Variants in IGSF9B observed in about 807,000 individuals in gnomAD.
The protein encoded by IGSF9B is immunoglobulin superfamily member 9B.
A neutral mutation model predicts 143.7 loss-of-function variants in IGSF9B; 48 were observed. That is an observed-to-expected ratio of 0.33 (90% CI 0.26 to 0.42). IGSF9B has a LOEUF of 0.42. Among genes scored for constraint, IGSF9B ranks in the 20% least tolerant of loss-of-function variants. The pLI is 1.00. For missense variants in IGSF9B, 1,706 were observed against 1,980.0 expected, an observed-to-expected ratio of 0.86 and a Z score of 2.63; for synonymous variants, 903 against 833.1, an observed-to-expected ratio of 1.08 and a Z score of -1.44.
At chr11:133,946,290 G>C (rs371890975) in intron 1 of IGSF9B, 32 bp from the exon 2 acceptor site, 408 of 1,594,548 alleles carry the variant, frequency 2.6e-4, no homozygotes, top group Middle Eastern at 5.1e-4. Flanking sequence ...GACACAGAAA[G>C]GAGGTGACAA....
At chr11:133,936,834 A>AC (rs1164440295) in intron 5 of IGSF9B, among the ~76,000 whole-genome samples, 1 of 151,232 alleles carries the variant, frequency 6.6e-6, no homozygotes, top group African/African-American at 2.4e-5. Flanking sequence ...CAGGGTAGAG[A>AC]CCCCCCGACC....
intron 12 of IGSF9B, among the ~76,000 whole-genome samples, chr11:133,929,125 T>C (rs1369432753): frequency 6.6e-6 from 1 of 152,220 alleles, no homozygotes; most frequent in African/African-American, 2.4e-5. Context: ...ATAATTGGAT[T>C]GTTGGAACAC....
In IGSF9B at chr11:133,946,256, C is replaced by T. The variant is rs370647370; in HGVS notation, c.67G>A (p.Ala23Thr). 24 of 1,612,820 alleles carry T rather than the reference C, an allele frequency of 1.5e-5. No individual in the cohort carries two copies. Among genetic ancestry groups the T allele is most frequent in the South Asian group, 3.3e-5 (3 of 90,840 alleles). Residue 23 changes from alanine to threonine, a missense_variant and splice_region_variant, in exon 2 of 20, where the codon GCC (alanine) becomes ACC (threonine). Coordinates refer to ENST00000533871, the MANE Select transcript of IGSF9B (RefSeq NM_001277285.4). ...TCGGGCTCCTCTCGCAGGCCGTGGG[C>T]GCCTGATGGGGACGGCCAGGTTGGA... ...IGTRGLAAEG[A>T]HGLREEPEFV...
At position 133,931,181 on chromosome 11, in the gene IGSF9B, T is replaced by C. The variant is rs1939721650; in HGVS notation, c.1369-47A>G. ...AAGAGGGTGGGAACAGAAATGGGGG[T>C]TAGGAGAGAAGCCCGAAGCAGATGG... is the stretch of plus-strand genomic sequence containing the variant. On this transcript the variant is annotated intron_variant, in intron 10 of 19. Coordinates refer to ENST00000533871, the MANE Select transcript of IGSF9B (RefSeq NM_001277285.4). The surrounding 1 kb of genome is among the most constrained non-coding windows in gnomAD (Gnocchi z 7.7). 1 of 1,574,378 alleles carries C rather than the reference T, an allele frequency of 6.4e-7. No homozygotes were observed. The highest frequency in any genetic ancestry group is 1.4e-5 in the African/African-American group (1 of 73,746).
In IGSF9B at chr11:133,909,276, G is replaced by C; in HGVS notation, c.4107C>G (p.Asp1369Glu). 1 of 1,535,448 alleles carries C rather than the reference G, an allele frequency of 6.5e-7. No homozygotes were observed. The highest frequency in any genetic ancestry group is 1.2e-5 in the South Asian group (1 of 84,046). Residue 1369 changes from aspartate (D) to glutamate (E), a missense_variant and splice_region_variant, in exon 20 of 20, where the codon GAC becomes GAG. Asp to Glu is a conservative substitution (Grantham distance 45). Around this residue, in one of 7 missense-constraint regions of IGSF9B, gnomAD observed 880 missense variants for 762.9 expected, o/e 1.15. Transcript: ENST00000533871. This position sits in a 1 kb window ranked among gnomAD's most constrained non-coding sequence, Gnocchi z 4.2. Reference protein sequence around the residue: ...KGSSKSKKRSDDSASQTQQLP... With the variant: ...KGSSKSKKRSEDSASQTQQLP... ...GCTGCTGAGTCTGGGAGGCAGAATCGTCTAGGAAGAAAGGAAGAGGGACGC... is the reference window on the plus strand; with the variant it reads ...GCTGCTGAGTCTGGGAGGCAGAATCCTCTAGGAAGAAAGGAAGAGGGACGC...
At chr11:133,946,324 A>G (rs778591482) in intron 1 of IGSF9B, 66 bp from the exon 2 acceptor site, 112 of 1,426,854 alleles carry the variant, frequency 7.8e-5, no homozygotes, top group Non-Finnish European at 1.0e-4. Context: ...CAGCAGCCCC[A>G]TGTCCGTGTC....
At position 133,902,451 on chromosome 11, in the gene IGSF9B, A is replaced by ACACCACACACACGCACACCACACACC; in HGVS notation, c.*6617_*6618insGGTGTGTGGTGTGCGTGTGTGTGGTG. On this transcript the variant is annotated 3_prime_UTR_variant, in exon 20 of 20. Transcript: ENST00000533871. ...ACCACACCACACACACCACCCAGACACACCACACACAGATACACACACCAC... is the reference window on the plus strand; with the variant it reads ...ACCACACCACACACACCACCCAGACACACCACACACACGCACACCACACACCCACCACACACAGATACACACACCAC... 6.9e-6 allele frequency among the ~76,000 whole-genome samples: 1 copy of ACACCACACACACGCACACCACACACC among 143,920 alleles called. No individual in the cohort carries two copies. The highest frequency in any genetic ancestry group is 1.5e-5 in the Non-Finnish European group (1 of 65,360). The allele number at this position is 143,920 out of a possible 152,430, so 94.4% of individuals were successfully genotyped here. A position where few individuals can be genotyped will look rare whatever the true frequency, so the allele number is the denominator to read the frequency against.
chr11:133,919,124 G>C lies in IGSF9B; in HGVS notation c.3983+618C>G, dbSNP rs755315214. 2.4e-5 allele frequency: 9 copies of C among 368,420 alleles called. 2 individuals are homozygous for C. Among genetic ancestry groups the C allele is most frequent in the Admixed American group, 1.2e-4 (4 of 32,726 alleles). 22.8% of individuals were successfully genotyped at this position (368,420 alleles called of 1,614,324 possible). On this transcript the variant is annotated intron_variant, in intron 18 of 19. Transcript: ENST00000533871. ...CAGCTTCCTGCGAGGTATACGGGGG[G>C]GGGGTGGGGGACGTGTCCTGCACAT...
At chr11:133,942,371 G>A (rs950254687) in intron 3 of IGSF9B, among the ~76,000 whole-genome samples, 7 of 152,084 alleles carry the variant, frequency 4.6e-5, no homozygotes, top group Admixed American at 2.0e-4. Flanking sequence ...TTTATGAAAC[G>A]AACCTCATCT....
chr11:133,920,645 A>C lies in IGSF9B; in HGVS notation c.3080T>G (p.Leu1027Trp). Reference sequence around the variant, plus strand: ...GCGCCCTCCTGTAGGTGTCTGAGTCAAGGGCAGCGTGCTGTTGGATGCATT... The same window carrying C: ...GCGCCCTCCTGTAGGTGTCTGAGTCCAGGGCAGCGTGCTGTTGGATGCATT... ...GENASNSTLPLTQTPTGGRSP... is the reference protein window; with the variant it reads ...GENASNSTLPWTQTPTGGRSP... The change falls in exon 18 of 20, where the codon TTG (leucine) becomes TGG (tryptophan). Residue 1027 changes from leucine to tryptophan, a missense_variant. Leu to Trp is a moderately conservative substitution (Grantham distance 61). Transcript: ENST00000533871. 2 of 1,613,480 alleles carry C rather than the reference A, an allele frequency of 1.2e-6. No homozygotes were observed. Among genetic ancestry groups the C allele is most frequent in the Non-Finnish European group, 1.7e-6 (2 of 1,179,806 alleles).
In IGSF9B at chr11:133,945,900, G is replaced by T. The variant is rs964962976; in HGVS notation, c.262+161C>A. Among the ~76,000 whole-genome samples, 4 of 152,108 alleles carry T rather than the reference G, an allele frequency of 2.6e-5. No homozygotes were observed. Among genetic ancestry groups the T allele is most frequent in the Admixed American group, 2.6e-4 (4 of 15,292 alleles). ...ACCTCCACAGCCCTCTCCTCCCACC[G>T]CTTGATTAGAACCAACAGAGGACAA... On this transcript the variant is annotated intron_variant, in intron 2 of 19. Coordinates refer to ENST00000533871, the MANE Select transcript of IGSF9B (RefSeq NM_001277285.4). This position sits in a 1 kb window ranked among gnomAD's most constrained non-coding sequence, Gnocchi z 4.6.
chr11:133,955,899 T>TCCCCTCCCCCGCCGCCGCCCCC (rs1940243120), intron 1 of IGSF9B, among the ~76,000 whole-genome samples: 24 of 146,382 alleles, frequency 1.6e-4, no homozygotes, highest in Admixed American at 1.5e-3. Flanking sequence ...TCCCCGCCCC[T>TCCCCTCCCCCGCCGCCGCCCCC]CCCCTCCCCC....
Position 133,919,861 on chromosome 11 carries a change from G to T in IGSF9B, c.3864C>A (p.Gly1288=). 2 of 1,588,290 alleles carry T rather than the reference G, an allele frequency of 1.3e-6. No individual in the cohort carries two copies. The highest frequency in any genetic ancestry group is 3.4e-4 in the Middle Eastern group (2 of 5,932). The change falls in exon 18 of 20, where the codon GGC becomes GGA. Residue 1288 remains glycine, a synonymous_variant. Coordinates refer to ENST00000533871, the MANE Select transcript of IGSF9B (RefSeq NM_001277285.4). ...TGTCCCCAGGCCCAGCAGGGGCGGG[G>T]CCGGGTGGAGGGGAAGGGTAGCCGG... is the stretch of plus-strand genomic sequence containing the variant. ...LATGYPSPPP[G]PAPAGPGDSL... is the part of the protein sequence containing the mutation.
At chr11:133,946,569 G>A (rs549100747) in intron 1 of IGSF9B, among the ~76,000 whole-genome samples, 8 of 152,168 alleles carry the variant, frequency 5.3e-5, no homozygotes, top group Admixed American at 2.0e-4. Context: ...AGCCGCAGGC[G>A]TCATCCAGCC....
chr11:133,933,873 G>GA (rs1027804950), intron 7 of IGSF9B, among the ~76,000 whole-genome samples: 1 of 152,170 alleles, frequency 6.6e-6, no homozygotes. Context: ...CAGTGAGGAT[G>GA]AATGAGCTGG....
At position 133,936,912 on chromosome 11, in the gene IGSF9B, G is replaced by A. The variant is rs534552654; in HGVS notation, c.679+464C>T. On this transcript the variant is annotated intron_variant, in intron 5 of 19. Transcript: ENST00000533871. ...GGACTCTGGGGCTCCAGGCAGGGCA[G>A]TCTGGCATCTCCCTGTGCTGACCAT... Among the ~76,000 whole-genome samples the A allele has an allele frequency of 1.1e-4, 16 of 152,352 alleles. No individual in the cohort carries two copies. The East Asian group carries it at 3.1e-3, about 29-fold the overall frequency.
intron 3 of IGSF9B, among the ~76,000 whole-genome samples, chr11:133,940,442 CAA>C (rs1292718614): frequency 2.1e-5 from 3 of 139,924 alleles, no homozygotes; most frequent in African/African-American, 5.4e-5. Context: ...TCATCACATG[CAA>C]AAACACACCT....
chr11:133,926,782 G>T, intron 13 of IGSF9B, 134 bp downstream of exon 13: 2 of 685,818 alleles, frequency 2.9e-6, no homozygotes, highest in Non-Finnish European at 4.8e-6. Context: ...CTCACGGGGA[G>T]ATCAGATGGC....
At position 133,907,872 on chromosome 11, in the gene IGSF9B, G is replaced by T. The variant is rs766470073; in HGVS notation, c.*1197C>A. ...AGCTCAGGTCCACCGGAGGACGAAG[G>T]CCCCGGGGCAGAGAAGAGTCGGCAG... On this transcript the variant is annotated 3_prime_UTR_variant, in exon 20 of 20. Transcript: ENST00000533871. Among the ~76,000 whole-genome samples the T allele has an allele frequency of 1.3e-5, 2 of 152,336 alleles. No individual in the cohort carries two copies. Among genetic ancestry groups the T allele is most frequent in the South Asian group, 2.1e-4 (1 of 4,828 alleles).
Sources: allele counts gnomAD v4.1 joint callset (sites outside exome capture counted in the v4.1 genomes callset), GRCh38; gene constraint gnomAD v4.1.1; regional missense constraint gnomAD v4.1.1; non-coding constraint Gnocchi (gnomAD v3.1); transcripts MANE v1.5; gene names NCBI Gene and HGNC (gene_info 2026-07-23, HGNC 2026-07-21).